DOCK1: variants seen among roughly 807,000 people sequenced by gnomAD.
DOCK1 encodes the protein dedicator of cytokinesis protein 1.
Under a neutral mutation model 262.7 loss-of-function variants are expected in DOCK1, and 138 were observed. That is an observed-to-expected ratio of 0.53 (90% CI 0.46 to 0.61). DOCK1 has a LOEUF of 0.61. Among genes scored for constraint, DOCK1 ranks in the 20% least tolerant of loss-of-function variants. The probability of loss-of-function intolerance (pLI) is 0.00; values close to 1 mark genes in which losing one functional copy is unlikely to be tolerated. For missense variants in DOCK1, 1,908 were observed against 2,370.7 expected (o/e 0.80, Z 4.05); for synonymous variants, 866 against 867.4 (o/e 1.00, Z 0.03).
In DOCK1 at chr10:127,179,908, T is replaced by G. The variant is rs1228285313; in HGVS notation, c.2847+52144T>G. Among the ~76,000 whole-genome samples the G allele has an allele frequency of 2.0e-5, 3 of 152,224 alleles. No homozygotes were observed. In the East Asian group the frequency reaches 5.8e-4, roughly 29 times the overall value. ...ATGCATAGCAGTTGTGTTTTCTAGA[T>G]TTGATCCTCATCATATCCTTACAAG... On this transcript the variant is annotated intron_variant, in intron 27 of 51. Transcript: ENST00000623213.
chr10:127,039,744 G>T (rs545436740), intron 19 of DOCK1, among the ~76,000 whole-genome samples: 7 of 152,346 alleles, frequency 4.6e-5, no homozygotes, highest in African/African-American at 1.4e-4. Context: ...TAGATTGTGG[G>T]TTTGGTTCCA....
chr10:127,299,023 G>A (rs2061594037), intron 29 of DOCK1, among the ~76,000 whole-genome samples: 1 of 152,218 alleles, frequency 6.6e-6, no homozygotes, highest in Admixed American at 6.5e-5. Context: ...TGTCACCTGT[G>A]ATTGTAACCT....
In DOCK1 at chr10:127,108,746, C is replaced by G. The variant is rs141629065; in HGVS notation, c.2517-1502C>G. 6.3e-3 allele frequency among the ~76,000 whole-genome samples: 953 copies of G among 152,298 alleles called. 14 individuals are homozygous for G. The highest frequency in any genetic ancestry group is 0.021 in the African/African-American group (870 of 41,568). On this transcript the variant is annotated intron_variant, in intron 24 of 51. Coordinates refer to ENST00000623213, the MANE Select transcript of DOCK1 (RefSeq NM_001290223.2). Reference sequence around the variant, plus strand: ...CCTATCTTTAAGCAGCAACAATAGACGCAGCATCTATTATGTGCTTTCACC... The same window carrying G: ...CCTATCTTTAAGCAGCAACAATAGAGGCAGCATCTATTATGTGCTTTCACC...
rs935480172 is a variant in DOCK1, at chr10:127,244,998, G to A, written c.2848-3010G>A. 5.5e-4 allele frequency among the ~76,000 whole-genome samples: 84 copies of A among 152,230 alleles called. 2 individuals are homozygous for A. Among genetic ancestry groups the A allele is most frequent in the South Asian group, 2.1e-4 (1 of 4,816 alleles). On this transcript the variant is annotated intron_variant, in intron 27 of 51. Coordinates refer to ENST00000623213, the MANE Select transcript of DOCK1 (RefSeq NM_001290223.2). ...TTAAAGTTTTATTTTCACAGAGCTC[G>A]CTCACTTTTGTTCCTAATAAATGAC...
At chr10:127,388,557 G>A (rs2066270666) in intron 38 of DOCK1, among the ~76,000 whole-genome samples, 1 of 152,212 alleles carries the variant, frequency 6.6e-6, no homozygotes, top group African/African-American at 2.4e-5. Context: ...CAATCTGGAT[G>A]GCCTGCACTA....
intron 2 of DOCK1, among the ~76,000 whole-genome samples, chr10:126,972,204 C>T (rs1430248495): frequency 6.6e-6 from 1 of 152,216 alleles, no homozygotes; most frequent in African/African-American, 2.4e-5. Context: ...GCATGAGCCA[C>T]CGTGCCCGTC....
intron 38 of DOCK1, among the ~76,000 whole-genome samples, chr10:127,396,951 G>A (rs1398809744): frequency 1.7e-4 from 22 of 132,146 alleles, no homozygotes; most frequent in African/African-American, 2.2e-4. Flanking sequence ...ATCTGAGCAT[G>A]AGTTACACGG....
chr10:127,161,356 C>G (rs1031351948), intron 27 of DOCK1, among the ~76,000 whole-genome samples: 1 of 152,142 alleles, frequency 6.6e-6, no homozygotes, highest in African/African-American at 2.4e-5. Context: ...GCGGTACTGG[C>G]TTTTGGTGAT....
At chr10:127,216,222 T>G (rs1219652376) in intron 27 of DOCK1, among the ~76,000 whole-genome samples, 1 of 152,040 alleles carries the variant, frequency 6.6e-6, no homozygotes, top group Non-Finnish European at 1.5e-5. Flanking sequence ...TTTGTATCTT[T>G]CATTATATAT....
At chr10:127,260,522 G>A (rs1175411815) in intron 29 of DOCK1, among the ~76,000 whole-genome samples, 2 of 152,168 alleles carry the variant, frequency 1.3e-5, no homozygotes, top group Non-Finnish European at 1.5e-5. Flanking sequence ...AGGCCAGGTC[G>A]TTGAGCAGTG....
chr10:127,424,808 G>A (rs553707900), intron 46 of DOCK1, among the ~76,000 whole-genome samples: 2 of 152,192 alleles, frequency 1.3e-5, no homozygotes, highest in African/African-American at 4.8e-5. Context: ...TGTGCCTAGG[G>A]TTTGGGGCCA....
chr10:127,233,311 G>T (rs765706863), intron 27 of DOCK1, among the ~76,000 whole-genome samples: 1 of 152,082 alleles, frequency 6.6e-6, no homozygotes, highest in Non-Finnish European at 1.5e-5. Context: ...CATTATGTCC[G>T]TATAAACATA....
intron 21 of DOCK1, among the ~76,000 whole-genome samples, 156 bp from the exon 22 acceptor site, chr10:127,052,525 C>A (rs200815577): frequency 8.3e-3 from 1,149 of 138,100 alleles, no homozygotes; most frequent in African/African-American, 0.017. Context: ...CTGTCTCAAA[C>A]AAAAAAAAAA....
chr10:127,414,725 T>C (rs2068059017), intron 43 of DOCK1, among the ~76,000 whole-genome samples: 1 of 152,260 alleles, frequency 6.6e-6, no homozygotes, highest in African/African-American at 2.4e-5. Context: ...GTCACTTTGA[T>C]TAAATCCAGT....
At chr10:127,340,143 A>G (rs987832871) in intron 30 of DOCK1, among the ~76,000 whole-genome samples, 1 of 152,208 alleles carries the variant, frequency 6.6e-6, no homozygotes, top group Non-Finnish European at 1.5e-5. Flanking sequence ...ATCAGGTGCC[A>G]TATATCTAAA....
At chr10:127,143,153 A>G (rs1336077659) in intron 27 of DOCK1, among the ~76,000 whole-genome samples, 3 of 152,306 alleles carry the variant, frequency 2.0e-5, no homozygotes, top group African/African-American at 7.2e-5. Flanking sequence ...CTGAATCCTC[A>G]AGATAATTTA....
chr10:127,015,412 GTTTTCCA>G (rs1264857232), intron 12 of DOCK1, among the ~76,000 whole-genome samples: 1 of 151,998 alleles, frequency 6.6e-6, no homozygotes, highest in African/African-American at 2.4e-5. Context: ...ATCTGTCCCA[GTTTTCCA>G]TTTCCCCTGT....
intron 27 of DOCK1, among the ~76,000 whole-genome samples, chr10:127,129,075 C>T (rs570277149): frequency 1.3e-5 from 2 of 152,230 alleles, no homozygotes; most frequent in South Asian, 4.2e-4. Flanking sequence ...TCTTGGACAG[C>T]ATAGTCAGAA....
chr10:127,340,221 A>C (rs1277352935), intron 30 of DOCK1, among the ~76,000 whole-genome samples: 1 of 152,306 alleles, frequency 6.6e-6, no homozygotes, highest in Non-Finnish European at 1.5e-5. Flanking sequence ...ATGTCATAAT[A>C]ACATACTTTC....
Sources: allele counts gnomAD v4.1 joint callset (sites outside exome capture counted in the v4.1 genomes callset), GRCh38; gene constraint gnomAD v4.1.1; transcripts MANE v1.5; gene names NCBI Gene and HGNC (gene_info 2026-07-23, HGNC 2026-07-21).